Variants in PDE4DIP observed in about 807,000 individuals in gnomAD.
The protein encoded by PDE4DIP is phosphodiesterase 4D interacting protein, also known as myomegalin.
A neutral mutation model predicts 221.4 loss-of-function variants in PDE4DIP; 59 were observed. The observed-to-expected ratio is 0.27, with a 90% confidence interval of 0.22 to 0.33. The LOEUF is 0.33. PDE4DIP is among the 10% of genes least tolerant of loss of function. The pLI is 1.00. For missense variants in PDE4DIP, 1,036 were observed against 2,154.2 expected (o/e 0.48, Z 10.28); for synonymous variants, 404 against 815.9 (o/e 0.50, Z 8.60).
At position 149,028,540 on chromosome 1, in the gene PDE4DIP, G is replaced by A. The variant is rs2075836000; in HGVS notation, c.6670-20G>A. ...GGAAGAAAGTAATCTCTCCGCTCCT[G>A]TGGTGTTACCTTTCCCCAGGTGCTA... On this transcript the variant is annotated intron_variant, in intron 40 of 43. Coordinates refer to ENST00000369354, the Ensembl canonical transcript of PDE4DIP. The A allele has an allele frequency of 6.2e-7, 1 of 1,607,772 alleles. No individual in the cohort carries two copies. Among genetic ancestry groups the A allele is most frequent in the African/African-American group, 1.3e-5 (1 of 74,710 alleles).
chr1:148,980,926 G>A (rs1212035199), intron 20 of PDE4DIP, among the ~76,000 whole-genome samples: 4 of 152,198 alleles, frequency 2.6e-5, no homozygotes, highest in Admixed American at 2.6e-4. Context: ...TTTGTCCTGG[G>A]TTTTAGTTTT....
chr1:148,972,790 A>G (rs587722794), intron 16 of PDE4DIP, among the ~76,000 whole-genome samples, 198 bp downstream of exon 19: 15 of 151,958 alleles, frequency 9.9e-5, no homozygotes, highest in Admixed American at 5.9e-4. Context: ...TGGGTTCACA[A>G]TTCGGCCCAG....
At chr1:148,937,687 A>G in intron 4 of PDE4DIP, 60 bp from the exon 8 acceptor site, 4 of 795,666 alleles carry the variant, frequency 5.0e-6, no homozygotes, top group Non-Finnish European at 8.7e-6. Flanking sequence ...TGGGCTGAAA[A>G]AATAAGGTAA....
chr1:148,970,684 G>A (rs1480185671), intron 14 of PDE4DIP, among the ~76,000 whole-genome samples: 1 of 152,160 alleles, frequency 6.6e-6, no homozygotes, highest in Non-Finnish European at 1.5e-5. Flanking sequence ...GGACTGCATT[G>A]GAGGAGCACT....
At chr1:148,963,359 C>T (rs1574412311) in intron 9 of PDE4DIP, among the ~76,000 whole-genome samples, 1 of 152,110 alleles carries the variant, frequency 6.6e-6, no homozygotes, top group Non-Finnish European at 1.5e-5. Context: ...GGGCGACTGC[C>T]GTATTGAGTT....
intron 22 of PDE4DIP, 146 bp from the exon 26 acceptor site, chr1:148,997,997 A>C: frequency 2.0e-6 from 1 of 507,512 alleles, no homozygotes; most frequent in South Asian, 3.6e-5. Flanking sequence ...CTTATGCCTG[A>C]CTAAGGAGGT....
At position 148,990,231 on chromosome 1, in the gene PDE4DIP, T is replaced by C. The variant is rs587713353; in HGVS notation, c.2816-1654T>C. On this transcript the variant is annotated intron_variant, in intron 21 of 43. Transcript: ENST00000369354. ...AAAGTTTCAGCATTTTAATTCAAAT[T>C]GGTAAAAGGCTGAGCAACCCTTAAA... 1.1e-3 allele frequency: 1,035 copies of C among 984,888 alleles called. 3 individuals are homozygous for C. Among genetic ancestry groups the C allele is most frequent in the Non-Finnish European group, 1.2e-3 (1,013 of 829,516 alleles). The allele number at this position is 984,888 out of a possible 1,614,324, so 61.0% of individuals were successfully genotyped here.
At chr1:148,944,865 C>T (rs587655231) in intron 5 of PDE4DIP, among the ~76,000 whole-genome samples, 158 of 151,726 alleles carry the variant, frequency 1.0e-3, no homozygotes, top group Admixed American at 1.8e-3. Flanking sequence ...AGCAAGTCTC[C>T]GTCTCGGAAA....
At chr1:148,929,844 A>C (rs1553468321) in intron 2 of PDE4DIP, 1 of 152,780 alleles carries the variant, frequency 6.5e-6, no homozygotes, top group African/African-American at 2.4e-5. Context: ...GTAATGGCAA[A>C]AAACTAGAAA....
At chr1:148,931,704 G>C (rs2048039101) in intron 2 of PDE4DIP, 96 bp from the exon 6 acceptor site, 1 of 1,016,782 alleles carries the variant, frequency 9.8e-7, no homozygotes, top group African/African-American at 1.6e-5. Context: ...AGTCACTGCA[G>C]AAAGCAGTTT....
chr1:148,986,901 G>A (rs1326990110), intron 21 of PDE4DIP, among the ~76,000 whole-genome samples: 1 of 152,144 alleles, frequency 6.6e-6, no homozygotes, highest in Non-Finnish European at 1.5e-5. Flanking sequence ...ACAGAATTAT[G>A]GCATCACAAA....
At chr1:148,975,152 C>T (rs1553536291) in intron 17 of PDE4DIP, among the ~76,000 whole-genome samples, 1 of 148,370 alleles carries the variant, frequency 6.7e-6, no homozygotes. Context: ...GCCTGGGCAA[C>T]AAGAGCAAAA....
chr1:148,954,027 A>G (rs587683717), intron 5 of PDE4DIP: 1 of 683,758 alleles, frequency 1.5e-6, no homozygotes, highest in Non-Finnish European at 2.6e-6. Context: ...TCATGACCCC[A>G]TTTTTGCTGC....
chr1:148,835,846 TG>T lies in PDE4DIP; in HGVS notation c.233+27117del, dbSNP rs1370303721. On this transcript the variant is annotated intron_variant, in intron 1 of 45. Transcript: ENST00000524974. Reference sequence around the variant, plus strand: ...TGTGAGGTGTCTGTCTGCCCCTACTTGGGGGGGGCCTCCCAGTTAGGCTACT... The same window carrying T: ...TGTGAGGTGTCTGTCTGCCCCTACTTGGGGGGGCCTCCCAGTTAGGCTACT... Among the ~76,000 whole-genome samples, 5 of 84,880 alleles carry T rather than the reference TG, an allele frequency of 5.9e-5. 2 individuals are homozygous for T. The highest frequency in any genetic ancestry group is 1.6e-3 in the East Asian group (2 of 1,216). 55.7% of individuals were successfully genotyped at this position (84,880 alleles called of 152,430 possible).
At chr1:149,016,976 G>A (rs1307878643) in intron 33 of PDE4DIP, among the ~76,000 whole-genome samples, 6 of 152,234 alleles carry the variant, frequency 3.9e-5, no homozygotes, top group African/African-American at 1.4e-4. Context: ...GTCACAGCAA[G>A]TGGAGAGGTA....
rs587735647 is a variant in PDE4DIP at position 148,979,715 on chromosome 1, T to C, written c.2575-22T>C. 2.0e-5 allele frequency: 32 copies of C among 1,607,690 alleles called. No individual in the cohort carries two copies. The East Asian group carries it at 2.7e-4, about 13-fold the overall frequency. Reference sequence around the variant, plus strand: ...TCTCACTGTGCCATTTGCGTATTGCTTCCTCTCTCTTCTTTACTCAGTTGC... The same window carrying C: ...TCTCACTGTGCCATTTGCGTATTGCCTCCTCTCTCTTCTTTACTCAGTTGC... On this transcript the variant is annotated intron_variant, in intron 19 of 43. Transcript: ENST00000369354.
chr1:148,938,888 G>A (rs12402380), intron 5 of PDE4DIP, among the ~76,000 whole-genome samples: 8 of 145,564 alleles, frequency 5.5e-5, no homozygotes, highest in Middle Eastern at 3.5e-3. Flanking sequence ...TCAGCCTCCC[G>A]AGTAGCTGGG....
At chr1:148,990,162 T>G in intron 21 of PDE4DIP, 1 of 953,754 alleles carries the variant, frequency 1.0e-6, no homozygotes, top group Non-Finnish European at 1.2e-6. Flanking sequence ...GCCTGGGCCA[T>G]TGCAAATATA....
At chr1:148,968,857 T>C in exon 14 of PDE4DIP, 1 of 1,613,068 alleles carries the variant, frequency 6.2e-7, no homozygotes, top group South Asian at 1.1e-5. Flanking sequence ...AACACTGCTC[T>C]GCAAACTTGG....
Sources: allele counts gnomAD v4.1 joint callset (sites outside exome capture counted in the v4.1 genomes callset), GRCh38; gene constraint gnomAD v4.1.1; transcripts MANE v1.5; gene names NCBI Gene and HGNC (gene_info 2026-07-23, HGNC 2026-07-21).